MRAP2: variants seen among roughly 807,000 people sequenced by gnomAD.
MRAP2 encodes the protein melanocortin-2 receptor accessory protein 2.
In MRAP2, 20 loss-of-function variants were observed where a neutral mutation model predicts 17.4. The ratio of observed to expected loss-of-function variants is 1.15; its 90% CI spans 0.81 to 1.67. The LOEUF (loss-of-function observed/expected upper bound fraction) is 1.67. MRAP2 is among the 40% of genes most tolerant of loss of function. MRAP2 has a pLI of 0.00. For missense variants in MRAP2, 238 were observed against 240.0 expected, an observed-to-expected ratio of 0.99 and a Z score of 0.05; for synonymous variants, 96 against 88.4, an observed-to-expected ratio of 1.09 and a Z score of -0.48.
chr6:84,043,858 A>C (rs1252665452), intron 1 of MRAP2, among the ~76,000 whole-genome samples: 2 of 152,142 alleles, frequency 1.3e-5, no homozygotes, highest in Non-Finnish European at 2.9e-5. Context: ...ACTCATAATA[A>C]TTTTACTGTG....
At chr6:84,097,866 T>A in the MRAP2 span, among the ~76,000 whole-genome samples, 1 of 152,244 alleles carries the variant, frequency 6.6e-6, no homozygotes, top group Non-Finnish European at 1.5e-5. Flanking sequence ...GTATTCCTCT[T>A]TCCTCTGTTA....
chr6:84,062,003 CAA>C, intron 2 of MRAP2: 9 of 980,906 alleles, frequency 9.2e-6, no homozygotes, highest in Non-Finnish European at 8.4e-6. Flanking sequence ...AGAGAGCACT[CAA>C]GAGGCCATCT....
At chr6:84,059,231 C>T (rs1255875315) in intron 2 of MRAP2, among the ~76,000 whole-genome samples, 1 of 152,136 alleles carries the variant, frequency 6.6e-6, no homozygotes, top group East Asian at 1.9e-4. Context: ...TCGTGTGCCA[C>T]CTTGCAGATA....
the MRAP2 span, among the ~76,000 whole-genome samples, chr6:84,100,257 T>A: frequency 6.6e-6 from 1 of 152,158 alleles, no homozygotes; most frequent in African/African-American, 2.4e-5. Flanking sequence ...TTTATTTTTA[T>A]TTTTATTTGT....
chr6:84,089,287 G>A lies in MRAP2; in HGVS notation c.424G>A (p.Val142Ile), dbSNP rs372243368. ...CHQTTALDSD[V>I]QLQEAIRSSG... ...CCAGACCACAGCCCTTGACAGTGAC[G>A]TCCAACTCCAGGAAGCCATCAGAAG... The change falls in exon 4 of 4, where the codon GTC (valine) becomes ATC (isoleucine). Residue 142 changes from valine to isoleucine, a missense_variant. Val to Ile is a conservative substitution (Grantham distance 29). Coordinates refer to ENST00000257776, the MANE Select transcript of MRAP2 (RefSeq NM_138409.4). The A allele has an allele frequency of 6.8e-6, 11 of 1,614,096 alleles. No homozygotes were observed. In the African/African-American group the frequency reaches 9.3e-5, roughly 14 times the overall value.
chr6:84,106,294 G>GTT, the MRAP2 span, among the ~76,000 whole-genome samples: 1 of 152,212 alleles, frequency 6.6e-6, no homozygotes, highest in African/African-American at 2.4e-5. Context: ...TACGTCAGTG[G>GTT]TTGGTGGTTT....
intron 2 of MRAP2, among the ~76,000 whole-genome samples, chr6:84,056,215 A>T (rs1198281100): frequency 6.6e-6 from 1 of 152,220 alleles, no homozygotes; most frequent in Non-Finnish European, 1.5e-5. Context: ...TAAAATTTTT[A>T]TGCTCTTAAC....
the MRAP2 span, among the ~76,000 whole-genome samples, chr6:84,102,966 CAG>C: frequency 2.0e-5 from 3 of 152,148 alleles, no homozygotes; most frequent in Non-Finnish European, 2.9e-5. Context: ...AAAATGATGA[CAG>C]AGCTTCAGTA....
At chr6:84,035,464 A>G in intron 1 of MRAP2, 1 of 971,494 alleles carries the variant, frequency 1.0e-6, no homozygotes, top group Non-Finnish European at 1.2e-6. Flanking sequence ...TTGTCTTCAA[A>G]TGTGGGCTGT....
intron 3 of MRAP2, among the ~76,000 whole-genome samples, chr6:84,066,736 C>T (rs2099494799): frequency 6.6e-6 from 1 of 152,136 alleles, no homozygotes; most frequent in Non-Finnish European, 1.5e-5. Flanking sequence ...TAAGGCTTCA[C>T]AGGTTAAAGA....
chr6:84,123,457 A>G, the MRAP2 span, among the ~76,000 whole-genome samples: 1 of 152,138 alleles, frequency 6.6e-6, no homozygotes, highest in Non-Finnish European at 1.5e-5. Flanking sequence ...GACAAAGTCA[A>G]CAAAAATATA....
chr6:84,082,872 G>A (rs1357118338), intron 3 of MRAP2, among the ~76,000 whole-genome samples: 2 of 151,428 alleles, frequency 1.3e-5, no homozygotes, highest in African/African-American at 4.9e-5. Flanking sequence ...ACATGCCACA[G>A]TACCAGGCTT....
At chr6:84,037,318 G>C (rs1012223352) in intron 1 of MRAP2, among the ~76,000 whole-genome samples, 2 of 152,204 alleles carry the variant, frequency 1.3e-5, no homozygotes, top group Non-Finnish European at 2.9e-5. Flanking sequence ...CGAACCCCGA[G>C]CTAGACACAG....
the MRAP2 span, among the ~76,000 whole-genome samples, chr6:84,128,200 T>A: frequency 1.3e-5 from 2 of 152,196 alleles, no homozygotes; most frequent in Admixed American, 1.3e-4. Flanking sequence ...GTAAATCACA[T>A]AAACTTAGAA....
At chr6:84,105,544 C>T in the MRAP2 span, among the ~76,000 whole-genome samples, 1 of 152,142 alleles carries the variant, frequency 6.6e-6, no homozygotes, top group African/African-American at 2.4e-5. Context: ...TGGGTCCCTC[C>T]CGAAACATGT....
At chr6:84,110,531 A>G in the MRAP2 span, among the ~76,000 whole-genome samples, 1 of 152,126 alleles carries the variant, frequency 6.6e-6, no homozygotes, top group Non-Finnish European at 1.5e-5. Flanking sequence ...ATAGATTGCA[A>G]AGATTTTCTA....
chr6:84,047,422 C>G (rs1024750778), intron 1 of MRAP2, among the ~76,000 whole-genome samples: 4 of 151,576 alleles, frequency 2.6e-5, no homozygotes, highest in African/African-American at 9.7e-5. Flanking sequence ...AACTCCTGGA[C>G]TCAAAGCAAT....
At chr6:84,056,759 C>T (rs909443892) in intron 2 of MRAP2, among the ~76,000 whole-genome samples, 1 of 152,146 alleles carries the variant, frequency 6.6e-6, no homozygotes, top group Non-Finnish European at 1.5e-5. Context: ...TTGGTGACAT[C>T]AACTTTACTT....
intron 3 of MRAP2, among the ~76,000 whole-genome samples, chr6:84,068,004 A>C (rs1238014925): frequency 1.3e-5 from 2 of 152,182 alleles, no homozygotes; most frequent in Admixed American, 1.3e-4. Context: ...GTTATCTTCT[A>C]GAATTTTTAC....
Sources: allele counts gnomAD v4.1 joint callset (sites outside exome capture counted in the v4.1 genomes callset), GRCh38; gene constraint gnomAD v4.1.1; transcripts MANE v1.5; gene names NCBI Gene and HGNC (gene_info 2026-07-23, HGNC 2026-07-21).